PDE4B: variants seen among roughly 807,000 people sequenced by gnomAD.
PDE4B encodes the protein 3',5'-cyclic-AMP phosphodiesterase 4B.
A neutral mutation model predicts 82.2 loss-of-function variants in PDE4B; 20 were observed. The ratio of observed to expected loss-of-function variants is 0.24; its 90% CI spans 0.17 to 0.35. The LOEUF (loss-of-function observed/expected upper bound fraction) is 0.35, where lower values mean the gene tolerates loss of function less well. Among genes scored for constraint, PDE4B ranks in the 10% least tolerant of loss-of-function variants. PDE4B has a pLI of 1.00. For synonymous variants in PDE4B, 320 were observed against 318.9 expected (o/e 1.00, Z -0.04); for missense variants, 655 against 907.2 (o/e 0.72, Z 3.57).
At chr1:65,962,220 G>T (rs1349537803) in intron 3 of PDE4B, among the ~76,000 whole-genome samples, 2 of 152,064 alleles carry the variant, frequency 1.3e-5, no homozygotes, top group African/African-American at 4.8e-5. Flanking sequence ...AATTGTATGG[G>T]TACTCAAAGT....
At chr1:66,259,456 T>C (rs1274813730) in intron 6 of PDE4B, among the ~76,000 whole-genome samples, 1 of 152,232 alleles carries the variant, frequency 6.6e-6, no homozygotes, top group Non-Finnish European at 1.5e-5. Flanking sequence ...ATGGACTTAC[T>C]GTTCTTTCTT....
chr1:66,001,253 T>C (rs929761993), intron 3 of PDE4B, among the ~76,000 whole-genome samples: 2 of 152,198 alleles, frequency 1.3e-5, no homozygotes, highest in Non-Finnish European at 2.9e-5. Context: ...AATAGTACAA[T>C]GAACACCTTT....
At chr1:66,113,588 A>G (rs1482412825) in intron 3 of PDE4B, among the ~76,000 whole-genome samples, 1 of 152,236 alleles carries the variant, frequency 6.6e-6, no homozygotes, top group Non-Finnish European at 1.5e-5. Context: ...GATTATAAAA[A>G]TGTATTATTG....
intron 3 of PDE4B, among the ~76,000 whole-genome samples, chr1:66,191,220 G>C (rs1647774234): frequency 6.6e-6 from 1 of 152,096 alleles, no homozygotes; most frequent in Non-Finnish European, 1.5e-5. Context: ...TTGTATCTAG[G>C]ACTCCAGTAC....
At chr1:65,918,388 G>C (rs533907258) in intron 2 of PDE4B, among the ~76,000 whole-genome samples, 1 of 152,260 alleles carries the variant, frequency 6.6e-6, no homozygotes, top group Admixed American at 6.5e-5. Context: ...CCAGGAATAT[G>C]CAACTGATAA....
At chr1:66,121,091 G>A (rs1053801082) in intron 3 of PDE4B, among the ~76,000 whole-genome samples, 2 of 152,150 alleles carry the variant, frequency 1.3e-5, no homozygotes, top group East Asian at 3.9e-4. Flanking sequence ...CTTAAGGATA[G>A]ACCAGAAAAT....
intron 3 of PDE4B, among the ~76,000 whole-genome samples, chr1:66,102,088 G>A (rs1481247270): frequency 6.6e-6 from 1 of 152,022 alleles, no homozygotes; most frequent in African/African-American, 2.4e-5. Context: ...ATTAAATAGG[G>A]AATCCTTTCC....
At chr1:66,104,197 T>A (rs1283430055) in intron 3 of PDE4B, among the ~76,000 whole-genome samples, 2 of 151,736 alleles carry the variant, frequency 1.3e-5, no homozygotes, top group African/African-American at 4.8e-5. Context: ...TGTTTGGTTT[T>A]TTGTTCTTGC....
chr1:66,092,785 C>G (rs1428306096), intron 3 of PDE4B, among the ~76,000 whole-genome samples: 1 of 151,816 alleles, frequency 6.6e-6, no homozygotes, highest in African/African-American at 2.4e-5. Context: ...GGGTGGGGAA[C>G]AGCAGAGACA....
At chr1:66,170,037 G>A (rs1053938507) in intron 3 of PDE4B, among the ~76,000 whole-genome samples, 5 of 152,194 alleles carry the variant, frequency 3.3e-5, no homozygotes, top group African/African-American at 1.2e-4. Context: ...AAAAATAAAA[G>A]GACAAAGAGT....
At chr1:66,009,670 A>G (rs1400504163) in intron 3 of PDE4B, among the ~76,000 whole-genome samples, 1 of 152,124 alleles carries the variant, frequency 6.6e-6, no homozygotes, top group Non-Finnish European at 1.5e-5. Flanking sequence ...TTGTCAAGAA[A>G]AAACTTTCTC....
intron 1 of PDE4B, among the ~76,000 whole-genome samples, chr1:65,859,982 A>G (rs1231579963): frequency 6.6e-6 from 1 of 152,192 alleles, no homozygotes; most frequent in Non-Finnish European, 1.5e-5. Flanking sequence ...TTGATTGGGT[A>G]GAGCTAATCT....
At chr1:66,343,533 A>G (rs1570735291) in intron 8 of PDE4B, among the ~76,000 whole-genome samples, 1 of 152,172 alleles carries the variant, frequency 6.6e-6, no homozygotes, top group Non-Finnish European at 1.5e-5. Context: ...CTAACATTTT[A>G]GTTATCTGGG....
chr1:65,983,480 G>A (rs1003487013), intron 3 of PDE4B, among the ~76,000 whole-genome samples: 9 of 152,238 alleles, frequency 5.9e-5, no homozygotes, highest in Non-Finnish European at 1.2e-4. Flanking sequence ...ACCTATTTTG[G>A]AGAAAAGATC....
intron 7 of PDE4B, among the ~76,000 whole-genome samples, chr1:66,322,144 T>A (rs1659447220): frequency 6.6e-6 from 1 of 152,152 alleles, no homozygotes; most frequent in Non-Finnish European, 1.5e-5. Flanking sequence ...ACTGGATCCC[T>A]TCCTTATACC....
At chr1:66,286,021 C>G (rs761011299) in intron 7 of PDE4B, among the ~76,000 whole-genome samples, 1 of 152,136 alleles carries the variant, frequency 6.6e-6, no homozygotes, top group Non-Finnish European at 1.5e-5. Flanking sequence ...TCATAAACTT[C>G]GTAATTCAGG....
intron 1 of PDE4B, among the ~76,000 whole-genome samples, chr1:65,828,608 T>A (rs1570984383): frequency 1.3e-5 from 2 of 152,144 alleles, no homozygotes; most frequent in African/African-American, 4.8e-5. Flanking sequence ...AAAATATATA[T>A]TGTTTTTGTA....
chr1:66,112,156 T>C (rs1051523165), intron 3 of PDE4B, among the ~76,000 whole-genome samples: 1 of 152,032 alleles, frequency 6.6e-6, no homozygotes, highest in African/African-American at 2.4e-5. Flanking sequence ...ACTAACTGAG[T>C]CAGGCTTATG....
chr1:66,152,132 A>G (rs776310193), intron 3 of PDE4B, among the ~76,000 whole-genome samples: 4 of 152,230 alleles, frequency 2.6e-5, no homozygotes, highest in Non-Finnish European at 4.4e-5. Context: ...ATGTTTTGAT[A>G]CATAATTACA....
Sources: allele counts gnomAD v4.1 joint callset (sites outside exome capture counted in the v4.1 genomes callset), GRCh38; gene constraint gnomAD v4.1.1; transcripts MANE v1.5; gene names NCBI Gene and HGNC (gene_info 2026-07-23, HGNC 2026-07-21).